The following C10orf90 variants were observed in gnomAD, a reference collection of about 807,000 sequenced individuals.
C10orf90 encodes the protein (E2-independent) E3 ubiquitin-conjugating enzyme FATS.
C10orf90 carries 56 observed loss-of-function variants against 62.5 expected under a neutral mutation model. The ratio of observed to expected loss-of-function variants is 0.90; its 90% CI spans 0.72 to 1.12. The LOEUF (loss-of-function observed/expected upper bound fraction) is 1.12, where lower values mean the gene tolerates loss of function less well. Among genes scored for constraint, C10orf90 ranks in the 50% most tolerant of loss-of-function variants. C10orf90 has a pLI of 0.00. For missense variants in C10orf90, 970 were observed against 880.4 expected (o/e 1.10, Z -1.29); for synonymous variants, 386 against 340.4 (o/e 1.13, Z -1.47).
At chr10:126,502,746 G>A in intron 4 of C10orf90, 1 of 503,328 alleles carries the variant, frequency 2.0e-6, no homozygotes, top group Non-Finnish European at 4.0e-6. Flanking sequence ...AAGACGAAGT[G>A]CTTAGCTTGA....
At chr10:126,618,071 C>G (rs1299576201) in intron 2 of C10orf90, among the ~76,000 whole-genome samples, 2 of 152,168 alleles carry the variant, frequency 1.3e-5, no homozygotes, top group Non-Finnish European at 2.9e-5. Flanking sequence ...GGGAATAGGG[C>G]TCCCTCACCA....
At chr10:126,511,223 T>C (rs1193881786) in intron 3 of C10orf90, among the ~76,000 whole-genome samples, 1 of 152,156 alleles carries the variant, frequency 6.6e-6, no homozygotes, top group African/African-American at 2.4e-5. Context: ...TGAAGACAAA[T>C]GGAAAAATCT....
chr10:126,645,554 C>A, intron 2 of C10orf90, among the ~76,000 whole-genome samples: 1 of 149,220 alleles, frequency 6.7e-6, no homozygotes, highest in Non-Finnish European at 1.5e-5. Context: ...AGCACCACTG[C>A]ACTCCAGCCT....
intron 2 of C10orf90, among the ~76,000 whole-genome samples, chr10:126,524,284 G>A (rs981586694): frequency 2.6e-5 from 4 of 152,168 alleles, no homozygotes; most frequent in Non-Finnish European, 2.9e-5. Context: ...ATATAAGAAT[G>A]AGGGTCTTGT....
At chr10:126,503,913 A>G in intron 4 of C10orf90, 44 bp downstream of exon 4, 2 of 1,556,108 alleles carry the variant, frequency 1.3e-6, no homozygotes, top group South Asian at 2.5e-5. Flanking sequence ...CCTTGCTAGG[A>G]CATTTACTCA....
intron 2 of C10orf90, among the ~76,000 whole-genome samples, chr10:126,567,605 G>A (rs765265349): frequency 1.7e-4 from 26 of 152,262 alleles, no homozygotes; most frequent in Admixed American, 6.5e-4. Context: ...AAGCAGGGTC[G>A]GAAGCCCTGG....
intron 1 of C10orf90, among the ~76,000 whole-genome samples, chr10:126,662,945 C>A (rs559947807): frequency 2.2e-4 from 34 of 152,324 alleles, no homozygotes; most frequent in Non-Finnish European, 4.6e-4. Context: ...GGATGGGTGC[C>A]TCCTTGATCA....
intron 4 of C10orf90, among the ~76,000 whole-genome samples, chr10:126,501,371 A>G (rs1304680977): frequency 6.6e-6 from 1 of 152,150 alleles, no homozygotes; most frequent in Non-Finnish European, 1.5e-5. Context: ...ATTATTTCTG[A>G]GTGAGGGAGC....
At chr10:126,465,286 C>T (rs1401788565) in intron 4 of C10orf90, among the ~76,000 whole-genome samples, 1 of 152,122 alleles carries the variant, frequency 6.6e-6, no homozygotes, top group Non-Finnish European at 1.5e-5. Context: ...TACATTTAAA[C>T]TTTCCAGCCT....
chr10:126,449,165 A>T (rs1049991632), intron 7 of C10orf90, among the ~76,000 whole-genome samples: 2 of 152,226 alleles, frequency 1.3e-5, no homozygotes, highest in African/African-American at 4.8e-5. Context: ...AAAATTCAAT[A>T]GCAAATTAAA....
chr10:126,638,410 T>C (rs1376855559), intron 2 of C10orf90, among the ~76,000 whole-genome samples: 1 of 152,174 alleles, frequency 6.6e-6, no homozygotes, highest in African/African-American at 2.4e-5. Flanking sequence ...GCCTCTTGCC[T>C]GGTTGGTGTC....
intron 2 of C10orf90, among the ~76,000 whole-genome samples, chr10:126,623,407 T>C (rs1461576505): frequency 6.6e-6 from 1 of 152,194 alleles, no homozygotes; most frequent in East Asian, 1.9e-4. Flanking sequence ...TTACTTTATC[T>C]GAGAGGCCAT....
chr10:126,471,177 T>C lies in C10orf90; in HGVS notation c.1535-6191A>G, dbSNP rs370308175. Reference sequence around the variant, plus strand: ...TCCACAGCAAAAGCAGAGCTGGAGCTGGCGCCACTGGGAAAAGGAAGGAGA... The same window carrying C: ...TCCACAGCAAAAGCAGAGCTGGAGCCGGCGCCACTGGGAAAAGGAAGGAGA... On this transcript the variant is annotated intron_variant, in intron 4 of 9. Transcript: ENST00000488181. 1.4e-4 allele frequency among the ~76,000 whole-genome samples: 21 copies of C among 152,202 alleles called. No individual in the cohort carries two copies. In the South Asian group the frequency reaches 3.7e-3, roughly 27 times the overall value.
At chr10:126,655,843 A>G (rs1006178530) in intron 1 of C10orf90, among the ~76,000 whole-genome samples, 12 of 151,914 alleles carry the variant, frequency 7.9e-5, no homozygotes, top group African/African-American at 2.7e-4. Flanking sequence ...ACAAAACAAA[A>G]AAAAAAAAGA....
intron 4 of C10orf90, among the ~76,000 whole-genome samples, chr10:126,490,052 ATGTTAT>A (rs368689679): frequency 2.2e-5 from 2 of 89,714 alleles, no homozygotes; most frequent in African/African-American, 8.1e-5. Flanking sequence ...ATTATATATT[ATGTTAT>A]ATAATATATA....
chr10:126,426,856 A>G (rs1857296804), intron 8 of C10orf90, among the ~76,000 whole-genome samples: 1 of 152,206 alleles, frequency 6.6e-6, no homozygotes, highest in Non-Finnish European at 1.5e-5. Context: ...AATAAGGACA[A>G]TGTAGAAAAA....
chr10:126,565,306 ATTATATTATATATATTATATAT>A (rs1844341614), intron 2 of C10orf90, among the ~76,000 whole-genome samples: 10 of 65,458 alleles, frequency 1.5e-4, no homozygotes, highest in Non-Finnish European at 5.2e-5. Context: ...TATATTATAT[ATTATATTATATATATTATATAT>A]TTATATTATA....
intron 7 of C10orf90, among the ~76,000 whole-genome samples, chr10:126,436,730 T>C (rs755659965): frequency 2.0e-5 from 3 of 152,174 alleles, no homozygotes; most frequent in African/African-American, 4.8e-5. Context: ...GGCACAATCA[T>C]GGCTTACTGC....
chr10:126,516,899 T>C (rs1863467170), intron 2 of C10orf90, among the ~76,000 whole-genome samples: 1 of 83,554 alleles, frequency 1.2e-5, no homozygotes, highest in African/African-American at 4.9e-5. Context: ...TCACTCAAAC[T>C]TCTGCTTCCA....
Sources: gnomAD v4.1 joint callset for allele counts (sites outside exome capture counted in the v4.1 genomes callset) on GRCh38, gnomAD v4.1.1 for gene constraint, MANE v1.5 for transcripts, NCBI Gene and HGNC (gene_info 2026-07-23, HGNC 2026-07-21) for gene names.